POLDIP3: variants seen among roughly 807,000 people sequenced by gnomAD.
POLDIP3 encodes polymerase delta-interacting protein 3.
A neutral mutation model predicts 45.1 loss-of-function variants in POLDIP3; 14 were observed. The ratio of observed to expected loss-of-function variants is 0.31; its 90% confidence interval spans 0.20 to 0.49. POLDIP3 has a LOEUF of 0.49. Among genes scored for constraint, POLDIP3 ranks in the 20% least tolerant of loss-of-function variants. The pLI is 0.99. For synonymous variants in POLDIP3, 223 were observed against 205.2 expected (o/e 1.09, Z -0.74); for missense variants, 511 against 538.8 (o/e 0.95, Z 0.51).
chr22:42,597,210 G>A (rs1926046453), intron 4 of POLDIP3, among the ~76,000 whole-genome samples: 1 of 152,220 alleles, frequency 6.6e-6, no homozygotes, highest in African/African-American at 2.4e-5. Flanking sequence ...TAATGTGTCT[G>A]AGGAAAAAGG....
At chr22:42,601,881 C>T (rs774364161) in intron 3 of POLDIP3, 89 bp downstream of exon 3, 1 of 1,444,038 alleles carries the variant, frequency 6.9e-7, no homozygotes, top group Non-Finnish European at 9.4e-7. Flanking sequence ...GTCCATCCAC[C>T]CAAGTAGGCC....
rs545532996 is a variant in POLDIP3, at chr22:42,609,780, G to C, written c.59+5019C>G. ...GGTGTTCGTTTAGGTGTGTGTTTAG[G>C]TCATTTTTATAGAGAGAAAACAGCT... On this transcript the variant is annotated intron_variant, in intron 1 of 8. Transcript: ENST00000252115. Among the ~76,000 whole-genome samples, 26 of 152,194 alleles carry C rather than the reference G, an allele frequency of 1.7e-4. No homozygotes were observed. The East Asian group carries it at 5.0e-3, about 29-fold the overall frequency.
chr22:42,602,651 C>T, intron 2 of POLDIP3, 119 bp downstream of exon 2: 1 of 1,186,726 alleles, frequency 8.4e-7, no homozygotes, highest in South Asian at 1.5e-5. Flanking sequence ...GGAGCAAAGT[C>T]TGTATTATGC....
chr22:42,591,834 C>T lies in POLDIP3; in HGVS notation c.1021+121G>A, dbSNP rs901258142. The T allele has an allele frequency of 3.0e-6, 4 of 1,329,786 alleles. No homozygotes were observed. The African/African-American group carries it at 5.9e-5, about 19-fold the overall frequency. The allele number at this position is 1,329,786 out of a possible 1,614,324, so 82.4% of individuals were successfully genotyped here. ...AGAGACTGCACGGCAGTTCCTGGTGCAGACGAGGCCCCAGAGATGGGTTCC... is the reference window on the plus strand; with the variant it reads ...AGAGACTGCACGGCAGTTCCTGGTGTAGACGAGGCCCCAGAGATGGGTTCC... On this transcript the variant is annotated intron_variant, in intron 7 of 8. Transcript: ENST00000252115.
intron 5 of POLDIP3, 143 bp downstream of exon 5, chr22:42,596,043 A>G: frequency 1.2e-6 from 1 of 851,086 alleles, no homozygotes; most frequent in Non-Finnish European, 1.8e-6. Context: ...TGAGGGTAAG[A>G]GTCCCTAGGT....
chr22:42,599,595 G>C lies in POLDIP3; in HGVS notation c.633+103C>G, dbSNP rs1601895383. 3 of 845,484 alleles carry C rather than the reference G, an allele frequency of 3.5e-6. No homozygotes were observed. In the East Asian group the frequency reaches 7.9e-5, roughly 22 times the overall value. The allele number at this position is 845,484 out of a possible 1,614,324, so 52.4% of individuals were successfully genotyped here. On this transcript the variant is annotated intron_variant, in intron 4 of 8. Transcript: ENST00000252115. ...CTCCAGCAGCCTGGGGGAGAAGAGC[G>C]AGATGTCGTCTCAAAACAAAAAAAA...
chr22:42,595,406 T>C, intron 6 of POLDIP3, 131 bp downstream of exon 6: 1 of 798,440 alleles, frequency 1.3e-6, no homozygotes, highest in Non-Finnish European at 2.1e-6. Flanking sequence ...GTCATTAGTC[T>C]CAGCCCTGAG....
chr22:42,597,122 G>A (rs369068762), intron 4 of POLDIP3, among the ~76,000 whole-genome samples: 156 of 152,196 alleles, frequency 1.0e-3, no homozygotes, highest in African/African-American at 2.8e-3. Context: ...AGGGACACTC[G>A]GGCATTTGGC....
chr22:42,604,647 GGAGT>G (rs1395392703), intron 1 of POLDIP3, among the ~76,000 whole-genome samples: 4 of 152,216 alleles, frequency 2.6e-5, no homozygotes, highest in Admixed American at 6.5e-5. Flanking sequence ...TCCAGTGGCT[GGAGT>G]GAGATTGGCT....
chr22:42,584,996 C>T lies in POLDIP3; in HGVS notation c.*795G>A, dbSNP rs893259216. ...AACCAGGGTGTGGTTAAGTGCCAGG[C>T]GAGGTGAGAACCGGGAGGGCTCACA... On this transcript the variant is annotated 3_prime_UTR_variant, in exon 9 of 9. Coordinates refer to ENST00000252115, the MANE Select transcript of POLDIP3 (RefSeq NM_032311.5). 7 of 456,284 alleles carry T rather than the reference C, an allele frequency of 1.5e-5. No homozygotes were observed. Among genetic ancestry groups the T allele is most frequent in the South Asian group, 4.6e-5 (3 of 64,562 alleles). 28.3% of individuals were successfully genotyped at this position (456,284 alleles called of 1,614,324 possible).
chr22:42,610,871 A>G (rs1927078189), intron 1 of POLDIP3, among the ~76,000 whole-genome samples: 1 of 152,158 alleles, frequency 6.6e-6, no homozygotes, highest in South Asian at 2.1e-4. Flanking sequence ...TTGCCACTGC[A>G]CTCCAGCCTG....
chr22:42,596,135 A>G (rs1601890631), intron 5 of POLDIP3, 51 bp downstream of exon 5: 1 of 1,575,922 alleles, frequency 6.3e-7, no homozygotes, highest in East Asian at 2.2e-5. Context: ...GGTACATATA[A>G]GCATACAGCC....
intron 1 of POLDIP3, among the ~76,000 whole-genome samples, chr22:42,606,338 T>C (rs1015897133): frequency 6.6e-6 from 1 of 151,316 alleles, no homozygotes; most frequent in Non-Finnish European, 1.5e-5. Flanking sequence ...ACGGGCAACA[T>C]AGCGAGACTC....
chr22:42,591,087 AAAAATAAT>A (rs1019779556), intron 7 of POLDIP3, among the ~76,000 whole-genome samples: 1 of 148,016 alleles, frequency 6.8e-6, no homozygotes, highest in African/African-American at 2.6e-5. Context: ...AAAAAAATAA[AAAAATAAT>A]AAAAAATAAA....
chr22:42,609,762 G>A (rs527525711), intron 1 of POLDIP3, among the ~76,000 whole-genome samples: 5 of 152,128 alleles, frequency 3.3e-5, no homozygotes, highest in South Asian at 4.1e-4. Context: ...GGGGGTGTTC[G>A]TTTAGGTGTG....
chr22:42,611,778 G>A (rs764696817), intron 1 of POLDIP3, among the ~76,000 whole-genome samples: 1 of 152,142 alleles, frequency 6.6e-6, no homozygotes, highest in African/African-American at 2.4e-5. Context: ...TTGGGAGGCT[G>A]AGGCAGGAGA....
In POLDIP3 at chr22:42,585,841, A is replaced by C; in HGVS notation, c.1216T>G (p.Ser406Ala). Residue 406 changes from serine to alanine, a missense_variant, in exon 9 of 9, where the codon TCA becomes GCA. Ser to Ala is a moderately conservative substitution (Grantham distance 99, BLOSUM62 1). Coordinates refer to ENST00000252115, the MANE Select transcript of POLDIP3 (RefSeq NM_032311.5). ...DTILKALFKS[S>A]GASVTTQPTE... ...GGCTGCGTGGTCACAGAGGCCCCTG[A>C]GGACTTGAAGAGTGCCTTCAGGATG... The C allele has an allele frequency of 6.2e-7, 1 of 1,613,126 alleles. No homozygotes were observed. The highest frequency in any genetic ancestry group is 2.2e-5 in the East Asian group (1 of 44,878).
chr22:42,601,044 A>G (rs921872805), intron 3 of POLDIP3, among the ~76,000 whole-genome samples: 5 of 151,972 alleles, frequency 3.3e-5, no homozygotes, highest in African/African-American at 4.8e-5. Flanking sequence ...GCAGTGAGCC[A>G]TGACTGCACC....
chr22:42,605,273 G>A (rs1014818795), intron 1 of POLDIP3, among the ~76,000 whole-genome samples: 5 of 152,294 alleles, frequency 3.3e-5, no homozygotes, highest in Middle Eastern at 3.4e-3. Context: ...GACTACAGGC[G>A]CCCGCCACCA....
Sources: allele counts gnomAD v4.1 joint callset (sites outside exome capture counted in the v4.1 genomes callset), GRCh38; gene constraint gnomAD v4.1.1; transcripts MANE v1.5; gene names NCBI Gene and HGNC (gene_info 2026-07-23, HGNC 2026-07-21).